Variants in SMYD3 observed in about 807,000 individuals in gnomAD.
The protein encoded by SMYD3 is histone-lysine N-methyltransferase SMYD3.
SMYD3 carries 36 observed loss-of-function variants against 57.7 expected under a neutral mutation model. The observed-to-expected ratio is 0.62, with a 90% CI of 0.48 to 0.82. The LOEUF is 0.82. Ranked by LOEUF, SMYD3 falls within the 40% of genes least tolerant of loss-of-function variation. SMYD3 has a pLI of 0.00. For missense variants in SMYD3, 515 were observed against 538.8 expected (o/e 0.96, Z 0.44); for synonymous variants, 211 against 195.0 (o/e 1.08, Z -0.68).
intron 5 of SMYD3, among the ~76,000 whole-genome samples, chr1:246,326,589 C>T (rs1458188180): frequency 1.2e-5 from 1 of 84,986 alleles, no homozygotes; most frequent in Non-Finnish European, 2.8e-5. Flanking sequence ...TCCGTCTCTA[C>T]AAAAACAAAA....
At chr1:246,046,296 T>C (rs548837292) in intron 5 of SMYD3, among the ~76,000 whole-genome samples, 1,877 of 152,078 alleles carry the variant, frequency 0.012, 36 homozygotes, top group African/African-American at 0.043. Context: ...TATGCAGCCA[T>C]AAAAAAGGAT....
intron 5 of SMYD3, among the ~76,000 whole-genome samples, chr1:245,957,125 C>T (rs1052263018): frequency 5.9e-5 from 9 of 152,158 alleles, no homozygotes; most frequent in African/African-American, 1.9e-4. Flanking sequence ...AGAACTGATA[C>T]AGAAAATGAT....
At chr1:246,459,056 G>T (rs1293369234) in intron 1 of SMYD3, among the ~76,000 whole-genome samples, 1 of 151,222 alleles carries the variant, frequency 6.6e-6, no homozygotes, top group East Asian at 1.9e-4. Flanking sequence ...GGGGCCTGAT[G>T]GGGGGGTGAC....
chr1:245,977,284 A>C (rs2058469268), intron 5 of SMYD3, among the ~76,000 whole-genome samples: 1 of 152,224 alleles, frequency 6.6e-6, no homozygotes, highest in Non-Finnish European at 1.5e-5. Flanking sequence ...CGCTTGATCC[A>C]GCCTCTACCA....
At chr1:246,474,705 A>T (rs999584835) in intron 1 of SMYD3, among the ~76,000 whole-genome samples, 1 of 152,140 alleles carries the variant, frequency 6.6e-6, no homozygotes, top group African/African-American at 2.4e-5. Context: ...AGAGGTCAGC[A>T]ACTCCAAGGT....
At chr1:245,983,753 C>T (rs185947810) in intron 5 of SMYD3, among the ~76,000 whole-genome samples, 29 of 152,208 alleles carry the variant, frequency 1.9e-4, no homozygotes, top group Middle Eastern at 6.8e-3. Flanking sequence ...AACAAAAAGC[C>T]CCTGAACACC....
chr1:245,784,843 ATTTTTTT>A (rs74163079), intron 10 of SMYD3, among the ~76,000 whole-genome samples: 17 of 115,736 alleles, frequency 1.5e-4, no homozygotes, highest in Non-Finnish European at 7.1e-5. Context: ...TTTAGACTGA[ATTTTTTT>A]TTTTTTTTTT....
chr1:246,212,477 A>G (rs10924554), intron 5 of SMYD3, among the ~76,000 whole-genome samples: 26,939 of 152,076 alleles, frequency 0.18, 2,771 homozygotes, highest in East Asian at 0.34. Flanking sequence ...AAAATAGTGG[A>G]ACAAATGAAA....
intron 5 of SMYD3, among the ~76,000 whole-genome samples, chr1:246,268,144 C>T (rs1163406160): frequency 2.0e-5 from 3 of 152,150 alleles, no homozygotes; most frequent in African/African-American, 7.2e-5. Flanking sequence ...AGACAATTAA[C>T]GCATTCTAAG....
intron 5 of SMYD3, among the ~76,000 whole-genome samples, chr1:246,211,301 T>C (rs114013953): frequency 0.014 from 2,175 of 152,264 alleles, 54 homozygotes; most frequent in African/African-American, 0.049. Context: ...CCTCATGGGA[T>C]ATGAAAGTCG....
chr1:246,444,486 G>A lies in SMYD3; in HGVS notation c.164+62568C>T, dbSNP rs542664918. The stretch of plus-strand genomic sequence containing the variant: ...GTGAACCAGAGGATTTACACTCCCT[G>A]AAGCAATCAAATATTGTAAGATTTG... On this transcript the variant is annotated intron_variant, in intron 1 of 11. Transcript: ENST00000490107. Among the ~76,000 whole-genome samples the A allele has an allele frequency of 1.4e-3, 214 of 152,288 alleles. 1 individual carries two copies. Among genetic ancestry groups the A allele is most frequent in the African/African-American group, 5.0e-3 (209 of 41,548 alleles).
intron 10 of SMYD3, among the ~76,000 whole-genome samples, chr1:245,774,063 AACGCT>A (rs145551991): frequency 0.092 from 14,072 of 152,254 alleles, 734 homozygotes; most frequent in Admixed American, 0.16. Flanking sequence ...AACAATGTAG[AACGCT>A]CGATGAAATA....
intron 10 of SMYD3, among the ~76,000 whole-genome samples, chr1:245,839,441 T>C (rs896091334): frequency 6.6e-6 from 1 of 151,884 alleles, no homozygotes; most frequent in Non-Finnish European, 1.5e-5. Flanking sequence ...AGTGCTGGGA[T>C]TACAGGCATG....
At chr1:246,190,660 C>T (rs184559686) in intron 5 of SMYD3, among the ~76,000 whole-genome samples, 51 of 148,974 alleles carry the variant, frequency 3.4e-4, no homozygotes, top group African/African-American at 1.3e-3. Flanking sequence ...TAAATTACTA[C>T]TCAATTAGAC....
At chr1:245,908,134 C>CA (rs552120464) in intron 8 of SMYD3, among the ~76,000 whole-genome samples, 1,863 of 138,586 alleles carry the variant, frequency 0.013, 28 homozygotes, top group African/African-American at 0.042. Flanking sequence ...GACTCCATCT[C>CA]AAAAAAAAAA....
At chr1:245,905,807 G>T (rs985360480) in intron 8 of SMYD3, among the ~76,000 whole-genome samples, 1 of 152,114 alleles carries the variant, frequency 6.6e-6, no homozygotes, top group African/African-American at 2.4e-5. Context: ...GCAGAAACAT[G>T]GAACAATGGA....
At chr1:245,966,308 C>T (rs1572806941) in intron 5 of SMYD3, among the ~76,000 whole-genome samples, 1 of 152,030 alleles carries the variant, frequency 6.6e-6, no homozygotes, top group Non-Finnish European at 1.5e-5. Context: ...ACTAGAACTA[C>T]AGACGCCTGC....
At chr1:245,806,024 G>A (rs1476322282) in intron 10 of SMYD3, among the ~76,000 whole-genome samples, 2 of 152,172 alleles carry the variant, frequency 1.3e-5, no homozygotes, top group East Asian at 3.8e-4. Flanking sequence ...TTTCAACCCT[G>A]TGGCCATCTA....
chr1:246,499,177 G>A (rs116656016), intron 1 of SMYD3, among the ~76,000 whole-genome samples: 2,587 of 149,906 alleles, frequency 0.017, 77 homozygotes, highest in African/African-American at 0.061. Flanking sequence ...ATACACACGG[G>A]CCTATAGTCC....
Sources: gnomAD v4.1 joint callset for allele counts (sites outside exome capture counted in the v4.1 genomes callset) on GRCh38, gnomAD v4.1.1 for gene constraint, MANE v1.5 for transcripts, NCBI Gene and HGNC (gene_info 2026-07-23, HGNC 2026-07-21) for gene names.